The following GRIN3A variants were observed in gnomAD, a reference collection of about 807,000 sequenced individuals.
GRIN3A encodes the protein glutamate ionotropic receptor NMDA type subunit 3A.
A neutral mutation model predicts 92.4 loss-of-function variants in GRIN3A; 47 were observed. That is an observed-to-expected ratio of 0.51 (90% confidence interval 0.40 to 0.65). The LOEUF (loss-of-function observed/expected upper bound fraction) is 0.65. Among genes scored for constraint, GRIN3A ranks in the 30% least tolerant of loss-of-function variants. The pLI is 0.00. For missense variants in GRIN3A, 1,324 were observed against 1,393.1 expected (o/e 0.95, Z 0.79); for synonymous variants, 527 against 540.6 (o/e 0.97, Z 0.35).
intron 8 of GRIN3A, among the ~76,000 whole-genome samples, chr9:101,576,030 C>T (rs541218683): frequency 6.6e-6 from 1 of 152,230 alleles, no homozygotes; most frequent in African/African-American, 2.4e-5. Context: ...GATGTGGGTA[C>T]CTATGAGTGC....
chr9:101,702,348 A>G (rs554319767), intron 1 of GRIN3A, among the ~76,000 whole-genome samples: 19 of 152,130 alleles, frequency 1.2e-4, no homozygotes, highest in Non-Finnish European at 2.4e-4. Context: ...TTCTTATCCA[A>G]TCAGGCCTTG....
intron 3 of GRIN3A, among the ~76,000 whole-genome samples, chr9:101,662,622 A>G (rs1829185205): frequency 6.6e-6 from 1 of 151,676 alleles, no homozygotes; most frequent in Admixed American, 6.6e-5. Flanking sequence ...ATATACTAAT[A>G]TATGTTTTTA....
At chr9:101,584,652 C>A (rs976428912) in intron 6 of GRIN3A, among the ~76,000 whole-genome samples, 2 of 152,138 alleles carry the variant, frequency 1.3e-5, no homozygotes, top group Non-Finnish European at 2.9e-5. Context: ...ATGGAAAGGG[C>A]TTCCACCATC....
intron 1 of GRIN3A, among the ~76,000 whole-genome samples, chr9:101,731,960 T>G (rs1205137664): frequency 6.6e-6 from 1 of 152,246 alleles, no homozygotes. Context: ...TCTTTCTTCT[T>G]GCCTAGTTTT....
intron 2 of GRIN3A, among the ~76,000 whole-genome samples, chr9:101,677,228 T>A (rs548568527): frequency 8.5e-5 from 13 of 152,262 alleles, no homozygotes; most frequent in Middle Eastern, 3.4e-3. Flanking sequence ...CTAAACTCTC[T>A]GATTTCCTAA....
chr9:101,647,677 T>C (rs1249284296), intron 3 of GRIN3A, among the ~76,000 whole-genome samples: 1 of 151,992 alleles, frequency 6.6e-6, no homozygotes, highest in East Asian at 1.9e-4. Flanking sequence ...TTGTTACTTA[T>C]TATTAGTCTG....
intron 6 of GRIN3A, among the ~76,000 whole-genome samples, chr9:101,610,574 C>CATCCATCT (rs757590642): frequency 9.3e-5 from 13 of 139,458 alleles, no homozygotes; most frequent in African/African-American, 2.9e-4. Flanking sequence ...AGCTTGCATC[C>CATCCATCT]ATCTATCTAT....
chr9:101,632,724 G>C (rs1828731855), intron 3 of GRIN3A, among the ~76,000 whole-genome samples: 1 of 152,080 alleles, frequency 6.6e-6, no homozygotes, highest in Non-Finnish European at 1.5e-5. Flanking sequence ...TCAGAAAAGG[G>C]ATCTAAGAAG....
chr9:101,650,474 AT>A (rs1393789339), intron 3 of GRIN3A, among the ~76,000 whole-genome samples: 18 of 152,130 alleles, frequency 1.2e-4, no homozygotes, highest in South Asian at 6.2e-4. Context: ...AGGATAAGAC[AT>A]GTGGAACAGA....
chr9:101,737,878 G>A lies in GRIN3A; in HGVS notation c.102C>T (p.His34=), dbSNP rs1830238570. ...GCTTGAGGATCTGGCAGGGCTGCGGGTGCGAGGAGGAGCTGGGCACCCCGG... is the reference window on the plus strand; with the variant it reads ...GCTTGAGGATCTGGCAGGGCTGCGGATGCGAGGAGGAGCTGGGCACCCCGG... ...VLAGVPSSSS[H]PQPCQILKRI... Residue 34 remains histidine, a synonymous_variant, in exon 1 of 9, where the codon CAC becomes CAT. Coordinates refer to ENST00000361820, the MANE Select transcript of GRIN3A (RefSeq NM_133445.3). 4.6e-6 allele frequency: 7 copies of A among 1,534,204 alleles called. No homozygotes were observed. The highest frequency in any genetic ancestry group is 2.0e-5 in the Admixed American group (1 of 51,016).
chr9:101,582,253 G>A (rs531744399), intron 6 of GRIN3A, among the ~76,000 whole-genome samples: 3 of 152,190 alleles, frequency 2.0e-5, no homozygotes, highest in South Asian at 2.1e-4. Context: ...AGAAAAGGTC[G>A]GAGATTTCAG....
At chr9:101,638,149 T>C (rs989061029) in intron 3 of GRIN3A, among the ~76,000 whole-genome samples, 43 of 152,230 alleles carry the variant, frequency 2.8e-4, no homozygotes, top group African/African-American at 9.9e-4. Flanking sequence ...AGCCTCTGGA[T>C]GTACCTCGGT....
chr9:101,585,422 T>TTCTGTCCTAACTTCCTAC (rs1301946326), intron 6 of GRIN3A, among the ~76,000 whole-genome samples: 1 of 152,192 alleles, frequency 6.6e-6, no homozygotes, highest in Non-Finnish European at 1.5e-5. Flanking sequence ...TTGGGGGCTT[T>TTCTGTCCTAACTTCCTAC]TCTGTCCTAA....
At chr9:101,665,102 A>G (rs1829222181) in intron 3 of GRIN3A, among the ~76,000 whole-genome samples, 1 of 152,000 alleles carries the variant, frequency 6.6e-6, no homozygotes, top group Non-Finnish European at 1.5e-5. Flanking sequence ...ATTTACACAC[A>G]AGTAAGAAAA....
At chr9:101,689,932 C>T (rs1406507588) in intron 1 of GRIN3A, among the ~76,000 whole-genome samples, 2 of 152,014 alleles carry the variant, frequency 1.3e-5, no homozygotes, top group African/African-American at 4.8e-5. Flanking sequence ...AAGCTCATGG[C>T]CTGAAAGAAG....
chr9:101,622,002 C>G (rs552218199), intron 5 of GRIN3A, among the ~76,000 whole-genome samples: 67 of 152,298 alleles, frequency 4.4e-4, no homozygotes, highest in Non-Finnish European at 7.2e-4. Flanking sequence ...TCTCCCTTTG[C>G]TATCTAAGAC....
chr9:101,659,999 G>A (rs1564137750), intron 3 of GRIN3A, among the ~76,000 whole-genome samples: 1 of 151,732 alleles, frequency 6.6e-6, no homozygotes, highest in Non-Finnish European at 1.5e-5. Flanking sequence ...TCTTGAATTG[G>A]AGAACATTCA....
intron 1 of GRIN3A, among the ~76,000 whole-genome samples, chr9:101,719,485 C>T (rs1829986106): frequency 6.6e-6 from 1 of 151,512 alleles, no homozygotes; most frequent in African/African-American, 2.4e-5. Context: ...GTTTCAATGG[C>T]CTCTTAAGTC....
chr9:101,600,498 A>G (rs1828197258), intron 6 of GRIN3A, among the ~76,000 whole-genome samples: 1 of 152,180 alleles, frequency 6.6e-6, no homozygotes. Flanking sequence ...CTTGAGTGTT[A>G]CAGATGAGAA....
Sources: allele counts gnomAD v4.1 joint callset (sites outside exome capture counted in the v4.1 genomes callset), GRCh38; gene constraint gnomAD v4.1.1; transcripts MANE v1.5; gene names NCBI Gene and HGNC (gene_info 2026-07-23, HGNC 2026-07-21).